RAD51B: variants seen among roughly 807,000 people sequenced by gnomAD.
RAD51B encodes the protein RAD51 paralog B.
In RAD51B, 38 loss-of-function variants were observed where a neutral mutation model predicts 42.2. The ratio of observed to expected loss-of-function variants is 0.90; its 90% CI spans 0.70 to 1.18. The LOEUF (loss-of-function observed/expected upper bound fraction) is 1.18. RAD51B is among the 50% of genes most tolerant of loss of function. The pLI, the probability that RAD51B is intolerant of heterozygous loss-of-function variation, is 0.00. For missense variants in RAD51B, 373 were observed against 400.7 expected (o/e 0.93, Z 0.59); for synonymous variants, 154 against 145.2 (o/e 1.06, Z -0.43).
intron 10 of RAD51B, among the ~76,000 whole-genome samples, chr14:68,641,366 T>C (rs1315958257): frequency 6.6e-6 from 1 of 152,206 alleles, no homozygotes. Flanking sequence ...TTAATCCTTT[T>C]GGATTTTCTA....
chr14:67,981,779 A>G (rs2075097029), intron 7 of RAD51B, among the ~76,000 whole-genome samples: 1 of 152,172 alleles, frequency 6.6e-6, no homozygotes, highest in Admixed American at 6.5e-5. Flanking sequence ...CTGATAGCAG[A>G]TGGGTGGTTA....
At chr14:68,656,335 GGC>G (rs999636357) in intron 11 of RAD51B, among the ~76,000 whole-genome samples, 3 of 152,156 alleles carry the variant, frequency 2.0e-5, no homozygotes, top group African/African-American at 7.2e-5. Context: ...TACCTCCTAG[GGC>G]AGCTGAGAAA....
chr14:68,371,876 A>G (rs1392492599), intron 8 of RAD51B, among the ~76,000 whole-genome samples: 1 of 152,250 alleles, frequency 6.6e-6, no homozygotes, highest in Non-Finnish European at 1.5e-5. Context: ...AAGAAGAGAA[A>G]GATATGCAAG....
At chr14:67,823,957 A>C (rs2040722281) in intron 2 of RAD51B, among the ~76,000 whole-genome samples, 1 of 152,258 alleles carries the variant, frequency 6.6e-6, no homozygotes, top group Non-Finnish European at 1.5e-5. Context: ...CTTAAAAGCA[A>C]AAGAAATTAA....
chr14:68,309,893 A>G (rs1225142570), intron 8 of RAD51B, among the ~76,000 whole-genome samples: 3 of 152,124 alleles, frequency 2.0e-5, no homozygotes, highest in African/African-American at 7.2e-5. Context: ...CAGCTGTGAC[A>G]CTCAGGAAAT....
intron 7 of RAD51B, among the ~76,000 whole-genome samples, chr14:68,212,465 A>T (rs1442611042): frequency 2.0e-5 from 3 of 152,204 alleles, no homozygotes; most frequent in Non-Finnish European, 4.4e-5. Context: ...AAATACCACC[A>T]TGTGTGTCCT....
intron 4 of RAD51B, among the ~76,000 whole-genome samples, chr14:67,849,579 G>A (rs1218161806): frequency 6.6e-6 from 1 of 152,154 alleles, no homozygotes; most frequent in Non-Finnish European, 1.5e-5. Flanking sequence ...CACTGCACCT[G>A]GCCTAAAATT....
rs1224704156 is a variant in RAD51B at position 68,565,661 on chromosome 14, G to A, written c.1037-28824G>A. ...AGCTAATCTCCTTTACCCCATCCTT[G>A]CTGCTGTCTCTGTCTCATGGTTGAT... On this transcript the variant is annotated intron_variant, in intron 10 of 10. Coordinates refer to the RAD51B transcript ENST00000487270. This position sits in a 1 kb window ranked among gnomAD's most constrained non-coding sequence, Gnocchi z 4.1. Among the ~76,000 whole-genome samples the A allele has an allele frequency of 6.6e-6, 1 of 152,186 alleles. No individual in the cohort carries two copies. Among genetic ancestry groups the A allele is most frequent in the Non-Finnish European group, 1.5e-5 (1 of 68,038 alleles).
chr14:68,360,081 A>G (rs922950925), intron 8 of RAD51B, among the ~76,000 whole-genome samples: 4 of 152,216 alleles, frequency 2.6e-5, no homozygotes, highest in African/African-American at 4.8e-5. Flanking sequence ...AACTATGTCT[A>G]GTCTTATTTG....
intron 8 of RAD51B, among the ~76,000 whole-genome samples, chr14:68,328,696 GT>G (rs1566811795): frequency 6.6e-6 from 1 of 152,190 alleles, no homozygotes; most frequent in African/African-American, 2.4e-5. Flanking sequence ...TCAGTGCTTG[GT>G]TTAGAAATGA....
intron 8 of RAD51B, among the ~76,000 whole-genome samples, chr14:68,303,457 T>TAAAAAAAA (rs58955054): frequency 2.2e-5 from 3 of 138,736 alleles, no homozygotes; most frequent in African/African-American, 8.3e-5. Flanking sequence ...TAAAGTATAA[T>TAAAAAAAA]AAAAAAAAAA....
In RAD51B at chr14:68,101,073, T is replaced by C. The variant is rs559660642; in HGVS notation, c.757-190811T>C. 9.2e-5 allele frequency among the ~76,000 whole-genome samples: 14 copies of C among 152,226 alleles called. No individual in the cohort carries two copies. The East Asian group carries it at 2.5e-3, about 27-fold the overall frequency. ...AATGAGCTAAATGGGGAAAAGCCCC[T>C]TATAAAACCATCAGATCTCGTGACA... On this transcript the variant is annotated intron_variant, in intron 7 of 10. Transcript: ENST00000471583.
intron 4 of RAD51B, among the ~76,000 whole-genome samples, chr14:67,844,042 T>A (rs757124232): frequency 4.6e-5 from 7 of 152,172 alleles, no homozygotes; most frequent in Non-Finnish European, 1.0e-4. Context: ...GATTCTGGTA[T>A]GTTGTATCTT....
chr14:68,082,601 T>G (rs1462404699), intron 7 of RAD51B, among the ~76,000 whole-genome samples: 1 of 152,172 alleles, frequency 6.6e-6, no homozygotes, highest in Non-Finnish European at 1.5e-5. Context: ...ATACCTTGCT[T>G]AATTTCACTT....
intron 10 of RAD51B, among the ~76,000 whole-genome samples, chr14:68,527,013 C>G (rs1440978598): frequency 2.0e-5 from 3 of 152,290 alleles, no homozygotes; most frequent in Admixed American, 1.3e-4. Context: ...CTGCAAGACT[C>G]TTTGGTCTGT....
At chr14:67,897,492 T>C (rs2043460619) in intron 7 of RAD51B, among the ~76,000 whole-genome samples, 1 of 152,034 alleles carries the variant, frequency 6.6e-6, no homozygotes, top group African/African-American at 2.4e-5. Flanking sequence ...ATACATATGG[T>C]TCACAGGTAT....
intron 10 of RAD51B, among the ~76,000 whole-genome samples, chr14:68,471,351 C>CT (rs1468402023): frequency 6.6e-6 from 1 of 152,178 alleles, no homozygotes; most frequent in African/African-American, 2.4e-5. Flanking sequence ...CCCAAGATGC[C>CT]TACTGGCCTG....
chr14:68,497,574 A>G, intron 10 of RAD51B: 1 of 1,007,166 alleles, frequency 9.9e-7, no homozygotes, highest in Non-Finnish European at 1.2e-6. Context: ...TTTAAAGTAA[A>G]CAATTCCGTG....
chr14:68,161,475 T>G (rs1411550947), intron 7 of RAD51B, among the ~76,000 whole-genome samples: 2 of 152,160 alleles, frequency 1.3e-5, no homozygotes, highest in Non-Finnish European at 2.9e-5. Context: ...GCCTGGCGAA[T>G]GCAATTAAAT....
Sources: allele counts gnomAD v4.1 joint callset (sites outside exome capture counted in the v4.1 genomes callset), GRCh38; gene constraint gnomAD v4.1.1; non-coding constraint Gnocchi (gnomAD v3.1); transcripts MANE v1.5; gene names NCBI Gene and HGNC (gene_info 2026-07-23, HGNC 2026-07-21).